The following ABL1 variants were observed in gnomAD, a reference collection of about 807,000 sequenced individuals.
ABL1 encodes tyrosine-protein kinase ABL1.
Under a neutral mutation model 94.7 loss-of-function variants are expected in ABL1, and 11 were observed. The ratio of observed to expected loss-of-function variants is 0.12; its 90% CI spans 0.07 to 0.19. The LOEUF is 0.19. ABL1 is among the 10% of genes least tolerant of loss of function. The probability of loss-of-function intolerance (pLI) is 1.00; values close to 1 mark genes in which losing one functional copy is unlikely to be tolerated. For missense variants in ABL1, 1,082 were observed against 1,489.4 expected, an observed-to-expected ratio of 0.73 and a Z score of 4.50; for synonymous variants, 656 against 622.4, an observed-to-expected ratio of 1.05 and a Z score of -0.80.
At chr9:130,773,271 A>G (rs928624955) in intron 1 of ABL1, among the ~76,000 whole-genome samples, 1 of 152,180 alleles carries the variant, frequency 6.6e-6, no homozygotes, top group African/African-American at 2.4e-5. Context: ...GTGAGCTGAG[A>G]TCGTGCCATT....
chr9:130,766,821 A>T lies in ABL1; in HGVS notation c.136+52366A>T, dbSNP rs17147211. ...AAAGACTTCCCAGCCTCCTGTTGCCATCTGGGTCTGTCCTCCTCCTGCTAG... is the reference window on the plus strand; with the variant it reads ...AAAGACTTCCCAGCCTCCTGTTGCCTTCTGGGTCTGTCCTCCTCCTGCTAG... On this transcript the variant is annotated intron_variant, in intron 1 of 10. Transcript: ENST00000372348. 6.0e-3 allele frequency among the ~76,000 whole-genome samples: 907 copies of T among 152,224 alleles called. 5 individuals carry two copies. Among genetic ancestry groups the T allele is most frequent in the African/African-American group, 0.02 (844 of 41,550 alleles).
chr9:130,725,954 T>C (rs898776401), intron 1 of ABL1, among the ~76,000 whole-genome samples: 2 of 148,286 alleles, frequency 1.3e-5, no homozygotes, highest in Non-Finnish European at 3.0e-5. Context: ...GCTCAGGCAG[T>C]CCTCCCACCT....
chr9:130,719,472 C>T (rs558410703), intron 1 of ABL1, among the ~76,000 whole-genome samples: 4 of 152,114 alleles, frequency 2.6e-5, no homozygotes, highest in Admixed American at 2.6e-4. Context: ...GAGGTTGCAA[C>T]GAGCTGAGAT....
Position 130,872,259 on chromosome 9 carries a change from C to T in ABL1, c.907+46C>T, listed in dbSNP as rs1443539426. On this transcript the variant is annotated intron_variant, in intron 5 of 10. Transcript: ENST00000318560. The surrounding 1 kb of genome is among the most constrained non-coding windows in gnomAD (Gnocchi z 5.0). ...GAAGAGAGGGTCTCGCGCCGCACCCCCAGGGTGACACAGGCGCTGGGGAAG... is the reference window on the plus strand; with the variant it reads ...GAAGAGAGGGTCTCGCGCCGCACCCTCAGGGTGACACAGGCGCTGGGGAAG... The T allele has an allele frequency of 1.9e-6, 3 of 1,564,960 alleles. No homozygotes were observed. Among genetic ancestry groups the T allele is most frequent in the Non-Finnish European group, 1.8e-6 (2 of 1,140,658 alleles).
chr9:130,757,447 A>G (rs921874242), intron 1 of ABL1, among the ~76,000 whole-genome samples: 2 of 151,504 alleles, frequency 1.3e-5, no homozygotes, highest in African/African-American at 2.4e-5. Context: ...TTGTAGTCCC[A>G]GCTACTAGGG....
intron 1 of ABL1, among the ~76,000 whole-genome samples, chr9:130,743,715 C>T (rs1005146816): frequency 6.6e-5 from 10 of 152,106 alleles, no homozygotes; most frequent in South Asian, 4.1e-4. Flanking sequence ...ATTATGTTAC[C>T]GAAGCCAATA....
At chr9:130,726,527 A>G (rs1051597516) in intron 1 of ABL1, among the ~76,000 whole-genome samples, 3 of 152,026 alleles carry the variant, frequency 2.0e-5, no homozygotes, top group African/African-American at 7.2e-5. Flanking sequence ...CTTTTCAGTT[A>G]GTTTTGCTGA....
intron 1 of ABL1, among the ~76,000 whole-genome samples, chr9:130,784,505 C>A (rs1236848671): frequency 6.6e-6 from 1 of 152,148 alleles, no homozygotes; most frequent in Non-Finnish European, 1.5e-5. Flanking sequence ...TGGGTAAATT[C>A]TGGATTTTTT....
intron 1 of ABL1, among the ~76,000 whole-genome samples, chr9:130,773,803 T>A (rs879499067): frequency 8.6e-5 from 13 of 151,980 alleles, no homozygotes; most frequent in Admixed American, 3.3e-4. Flanking sequence ...TATTGAGGTA[T>A]AACTGACATA....
intron 1 of ABL1, among the ~76,000 whole-genome samples, chr9:130,801,385 G>A (rs1176616059): frequency 2.0e-5 from 3 of 151,772 alleles, no homozygotes; most frequent in Non-Finnish European, 2.9e-5. Context: ...GTGCCACCAC[G>A]CCCAGTTAAT....
chr9:130,750,644 C>CTTT (rs71389345), intron 1 of ABL1, among the ~76,000 whole-genome samples: 16,478 of 87,208 alleles, frequency 0.19, 2,938 homozygotes, highest in East Asian at 0.45. Context: ...CTTTTTCTTT[C>CTTT]TTTTTTTTTT....
At chr9:130,869,659 C>A (rs917676676) in intron 4 of ABL1, among the ~76,000 whole-genome samples, 6 of 152,198 alleles carry the variant, frequency 3.9e-5, no homozygotes, top group African/African-American at 1.4e-4. Flanking sequence ...CAAAGTGTTT[C>A]CTTCACCTCA....
intron 1 of ABL1, among the ~76,000 whole-genome samples, chr9:130,839,359 G>A (rs1298320665): frequency 6.6e-6 from 1 of 152,212 alleles, no homozygotes; most frequent in Non-Finnish European, 1.5e-5. Context: ...AGAAGCTTAT[G>A]CTTGCTTTCT....
At chr9:130,746,618 T>C (rs984396546) in intron 1 of ABL1, among the ~76,000 whole-genome samples, 1 of 151,746 alleles carries the variant, frequency 6.6e-6, no homozygotes, top group African/African-American at 2.4e-5. Context: ...AGTTTGTTCC[T>C]TTTCATTGCT....
At chr9:130,776,876 G>A (rs575010988) in intron 1 of ABL1, among the ~76,000 whole-genome samples, 2 of 152,274 alleles carry the variant, frequency 1.3e-5, no homozygotes, top group East Asian at 3.9e-4. Context: ...ACAGGTGTGA[G>A]CCACCATGCC....
chr9:130,874,106 T>C (rs1831301707), intron 6 of ABL1, among the ~76,000 whole-genome samples: 1 of 152,222 alleles, frequency 6.6e-6, no homozygotes, highest in Non-Finnish European at 1.5e-5. Context: ...AATTTCACTC[T>C]TGTTGCTGAC....
At chr9:130,821,189 C>T (rs1564300358) in intron 1 of ABL1, among the ~76,000 whole-genome samples, 1 of 152,170 alleles carries the variant, frequency 6.6e-6, no homozygotes, top group Non-Finnish European at 1.5e-5. Context: ...CTCAGCCTCC[C>T]AAAGTGCTGG....
intron 1 of ABL1, among the ~76,000 whole-genome samples, chr9:130,851,362 G>A (rs1225445608): frequency 1.3e-5 from 2 of 152,042 alleles, no homozygotes; most frequent in East Asian, 3.9e-4. Context: ...ACCAAATATT[G>A]TAATAATGTA....
At chr9:130,801,225 G>A (rs746341963) in intron 1 of ABL1, among the ~76,000 whole-genome samples, 5 of 148,938 alleles carry the variant, frequency 3.4e-5, no homozygotes, top group Admixed American at 6.7e-5. Flanking sequence ...CACAGTGCCC[G>A]GCCCTTTTTC....
Sources: gnomAD v4.1 joint callset for allele counts (sites outside exome capture counted in the v4.1 genomes callset) on GRCh38, gnomAD v4.1.1 for gene constraint, Gnocchi (gnomAD v3.1) non-coding constraint, MANE v1.5 for transcripts, NCBI Gene and HGNC (gene_info 2026-07-23, HGNC 2026-07-21) for gene names.